CDH1: variants seen among roughly 807,000 people sequenced by gnomAD.
The protein encoded by CDH1 is cadherin-1.
A neutral mutation model predicts 84.5 loss-of-function variants in CDH1; 35 were observed. That is an observed-to-expected ratio of 0.41 (90% CI 0.32 to 0.55). The LOEUF (loss-of-function observed/expected upper bound fraction) is 0.55, where lower values mean the gene tolerates loss of function less well. Among genes scored for constraint, CDH1 ranks in the 20% least tolerant of loss-of-function variants. The pLI is 0.19. For missense variants in CDH1, 994 were observed against 1,126.6 expected, an observed-to-expected ratio of 0.88 and a Z score of 1.68; for synonymous variants, 417 against 439.0, an observed-to-expected ratio of 0.95 and a Z score of 0.63.
chr16:68,777,257 G>A (rs958471548), intron 2 of CDH1, among the ~76,000 whole-genome samples: 5 of 152,204 alleles, frequency 3.3e-5, no homozygotes, highest in African/African-American at 4.8e-5. Flanking sequence ...GTGCTTGCTC[G>A]AATTCCAGGT....
chr16:68,819,354 A>T lies in CDH1; in HGVS notation c.1640A>T (p.Glu547Val), dbSNP rs2152136879. The change falls in exon 11 of 16, where the codon GAG (glutamate) becomes GTG (valine). Residue 547 changes from glutamate to valine, a missense_variant. By Grantham distance (121) the Glu-to-Val change is moderately radical (BLOSUM62 -2). Transcript: ENST00000261769. ...ACTGGTGCCATTTCCACTCGGGCTG[A>T]GCTGGACAGGGAGGATTTTGAGCAC... ...PDTGAISTRA[E>V]LDREDFEHVK... The T allele has an allele frequency of 6.2e-7, 1 of 1,614,092 alleles. No individual in the cohort carries two copies.
Position 68,833,993 on chromosome 16 carries a change from A to T in CDH1, c.*494A>T, listed in dbSNP as rs960913569. The T allele has an allele frequency of 6.3e-6, 2 of 315,406 alleles. No homozygotes were observed. Among genetic ancestry groups the T allele is most frequent in the East Asian group, 1.1e-4 (2 of 18,088 alleles). The allele number at this position is 315,406 out of a possible 1,614,324, so 19.5% of individuals were successfully genotyped here. On this transcript the variant is annotated 3_prime_UTR_variant, in exon 16 of 16. Coordinates refer to ENST00000261769, the MANE Select transcript of CDH1 (RefSeq NM_004360.5). Reference sequence around the variant, plus strand: ...TTTTTTTAAGACAGGGTCTCATTCTATCGGCCAGGCTGGAGTGCAGTGGTG... The same window carrying T: ...TTTTTTTAAGACAGGGTCTCATTCTTTCGGCCAGGCTGGAGTGCAGTGGTG...
chr16:68,744,554 C>T (rs7200690), intron 2 of CDH1, among the ~76,000 whole-genome samples: 34,605 of 151,986 alleles, frequency 0.23, 4,507 homozygotes, highest in Non-Finnish European at 0.28. Flanking sequence ...TCCTCCCTTT[C>T]TGCACTTTTC....
intron 3 of CDH1, among the ~76,000 whole-genome samples, chr16:68,804,414 T>C (rs982427685): frequency 3.9e-5 from 6 of 152,060 alleles, no homozygotes; most frequent in African/African-American, 9.7e-5. Context: ...CGCCCGGCCC[T>C]ATCTGCCTTT....
At chr16:68,748,245 T>TA (rs977666366) in intron 2 of CDH1, among the ~76,000 whole-genome samples, 1 of 151,652 alleles carries the variant, frequency 6.6e-6, no homozygotes, top group African/African-American at 2.4e-5. Context: ...CCAGAGTAGC[T>TA]AGGATTACAG....
At chr16:68,823,072 CA>C in intron 12 of CDH1, 3 of 310,948 alleles carry the variant, frequency 9.6e-6, no homozygotes, top group South Asian at 3.8e-5. Flanking sequence ...CCGGGCTGGG[CA>C]AAAAGGTTCA....
At chr16:68,739,219 C>T (rs1962493653) in intron 2 of CDH1, among the ~76,000 whole-genome samples, 1 of 151,822 alleles carries the variant, frequency 6.6e-6, no homozygotes, top group African/African-American at 2.4e-5. Context: ...TCGAGACCAG[C>T]CTGGCCAACA....
At chr16:68,772,484 G>A (rs752581136) in intron 2 of CDH1, among the ~76,000 whole-genome samples, 46 of 152,154 alleles carry the variant, frequency 3.0e-4, no homozygotes, top group Non-Finnish European at 5.7e-4. Flanking sequence ...CATTCAGAGC[G>A]AGAGAACAGT....
Position 68,800,743 on chromosome 16 carries a change from A to G in CDH1, c.164-927A>G, listed in dbSNP as rs750641776. On this transcript the variant is annotated intron_variant, in intron 2 of 15. Coordinates refer to ENST00000261769, the MANE Select transcript of CDH1 (RefSeq NM_004360.5). ...CTGGCTCCTTCAGGTCCCAGCTCAG[A>G]TGGGCCTACCTCAGAAAGGCCTGCC... Among the ~76,000 whole-genome samples, 12 of 152,236 alleles carry G rather than the reference A, an allele frequency of 7.9e-5. 1 individual carries two copies. The highest frequency in any genetic ancestry group is 1.5e-4 in the Non-Finnish European group (10 of 68,044).
At chr16:68,785,484 G>T (rs1393579108) in intron 2 of CDH1, among the ~76,000 whole-genome samples, 1 of 152,084 alleles carries the variant, frequency 6.6e-6, no homozygotes, top group Non-Finnish European at 1.5e-5. Flanking sequence ...GAGCCACTAT[G>T]CCTGACCAAG....
chr16:68,833,809 C>G lies in CDH1; in HGVS notation c.*310C>G. ...CAACTTTAGCATCAGAAGGTTCACC[C>G]AGCACCTTGCAGATTTTCTTAAGGA... is the stretch of plus-strand genomic sequence containing the variant. On this transcript the variant is annotated 3_prime_UTR_variant, in exon 16 of 16. Coordinates refer to ENST00000261769, the MANE Select transcript of CDH1 (RefSeq NM_004360.5). 2.4e-6 allele frequency: 1 copy of G among 419,412 alleles called. No homozygotes were observed. Among genetic ancestry groups the G allele is most frequent in the East Asian group, 4.1e-5 (1 of 24,160 alleles). 26.0% of individuals were successfully genotyped at this position (419,412 alleles called of 1,614,324 possible). A position where few individuals can be genotyped will look rare whatever the true frequency, so the allele number is the denominator to read the frequency against.
intron 2 of CDH1, among the ~76,000 whole-genome samples, chr16:68,754,634 C>A (rs1962974578): frequency 6.6e-6 from 1 of 152,140 alleles, no homozygotes; most frequent in South Asian, 2.1e-4. Context: ...AAAGGCAACT[C>A]ACAGAACAGT....
intron 13 of CDH1, among the ~76,000 whole-genome samples, chr16:68,826,200 T>G (rs906808569): frequency 1.5e-4 from 23 of 152,156 alleles, no homozygotes; most frequent in Admixed American, 1.3e-3. Flanking sequence ...GGGTATGTAT[T>G]TTTTTAGACA....
chr16:68,811,509 T>A (rs1390812108), intron 6 of CDH1, among the ~76,000 whole-genome samples, 175 bp from the exon 7 acceptor site: 1 of 152,136 alleles, frequency 6.6e-6, no homozygotes, highest in East Asian at 1.9e-4. Flanking sequence ...GTTGATAGTT[T>A]GAGCTTTCTT....
intron 13 of CDH1, among the ~76,000 whole-genome samples, chr16:68,824,934 A>C (rs74025314): frequency 0.017 from 2,564 of 152,280 alleles, 42 homozygotes; most frequent in Middle Eastern, 0.12. Flanking sequence ...AAGAGCAAGC[A>C]AATGATTATC....
At chr16:68,756,016 G>A (rs1053250842) in intron 2 of CDH1, among the ~76,000 whole-genome samples, 7 of 151,900 alleles carry the variant, frequency 4.6e-5, no homozygotes, top group African/African-American at 1.2e-4. Context: ...AGCCCTCCTC[G>A]GCCTCCCAAA....
At chr16:68,801,057 C>T (rs1354307582) in intron 2 of CDH1, among the ~76,000 whole-genome samples, 1 of 151,702 alleles carries the variant, frequency 6.6e-6, no homozygotes, top group Admixed American at 6.6e-5. Flanking sequence ...GTAGATGCTT[C>T]AACCACAGCT....
At chr16:68,811,532 C>T (rs1960829250) in intron 6 of CDH1, 152 bp from the exon 7 acceptor site, 1 of 696,564 alleles carries the variant, frequency 1.4e-6, no homozygotes, top group African/African-American at 1.8e-5. Flanking sequence ...TCCCCTAGCA[C>T]TTTGGTAAGA....
chr16:68,782,121 G>A (rs1160304361), intron 2 of CDH1, among the ~76,000 whole-genome samples: 2 of 152,144 alleles, frequency 1.3e-5, no homozygotes, highest in Admixed American at 1.3e-4. Context: ...CTCAAGTTCA[G>A]GGCTTCCTTC....
Sources: allele counts gnomAD v4.1 joint callset (sites outside exome capture counted in the v4.1 genomes callset), GRCh38; gene constraint gnomAD v4.1.1; transcripts MANE v1.5; gene names NCBI Gene and HGNC (gene_info 2026-07-23, HGNC 2026-07-21).